The following MTHFD2L variants were observed in gnomAD, a reference collection of about 807,000 sequenced individuals.
MTHFD2L encodes bifunctional methylenetetrahydrofolate dehydrogenase/cyclohydrolase 2, mitochondrial.
Under a neutral mutation model 34.9 loss-of-function variants are expected in MTHFD2L, and 29 were observed. The ratio of observed to expected loss-of-function variants is 0.83; its 90% confidence interval spans 0.62 to 1.13. MTHFD2L has a LOEUF of 1.13. MTHFD2L is among the 50% of genes most tolerant of loss of function. The pLI, the probability that MTHFD2L is intolerant of heterozygous loss-of-function variation, is 0.00. For synonymous variants in MTHFD2L, 167 were observed against 155.7 expected (o/e 1.07, Z -0.54); for missense variants, 481 against 446.5 (o/e 1.08, Z -0.70).
intron 6 of MTHFD2L, among the ~76,000 whole-genome samples, chr4:74,269,705 T>C (rs971464457): frequency 3.3e-5 from 5 of 152,204 alleles, no homozygotes; most frequent in African/African-American, 1.2e-4. Context: ...TCTGATTTTC[T>C]ATCTTCTGAA....
At chr4:74,180,318 C>T (rs1184507390) in intron 3 of MTHFD2L, among the ~76,000 whole-genome samples, 1 of 151,948 alleles carries the variant, frequency 6.6e-6, no homozygotes, top group Non-Finnish European at 1.5e-5. Flanking sequence ...ATGTATATCT[C>T]ATAAGACTGT....
At chr4:74,157,682 G>A (rs1375022935), upstream of MTHFD2L, 1 of 457,558 alleles carries the variant, frequency 2.2e-6, no homozygotes, top group South Asian at 1.5e-5. Flanking sequence ...CACAAAGGAA[G>A]TGGGAAACAA....
At chr4:74,166,986 A>G (rs533268052) in intron 1 of MTHFD2L, among the ~76,000 whole-genome samples, 12 of 152,112 alleles carry the variant, frequency 7.9e-5, no homozygotes, top group African/African-American at 2.4e-4. Context: ...ACCCATTCCA[A>G]TGCCAGGCTG....
At chr4:74,229,733 T>C (rs1283281281) in intron 6 of MTHFD2L, among the ~76,000 whole-genome samples, 2 of 152,138 alleles carry the variant, frequency 1.3e-5, no homozygotes, top group African/African-American at 4.8e-5. Flanking sequence ...AAAATTGAGA[T>C]TTAGACTCAG....
chr4:74,213,172 A>G (rs1736639348), intron 5 of MTHFD2L, among the ~76,000 whole-genome samples: 1 of 152,040 alleles, frequency 6.6e-6, no homozygotes. Flanking sequence ...TGTGCCTTTT[A>G]ATTGGGGCAT....
chr4:74,134,913 G>A (rs766215473), intron 1 of MTHFD2L, among the ~76,000 whole-genome samples: 2 of 151,730 alleles, frequency 1.3e-5, no homozygotes, highest in Non-Finnish European at 2.9e-5. Flanking sequence ...AAAATAAACA[G>A]AGGAGAGAAA....
chr4:74,266,613 A>G lies in MTHFD2L; in HGVS notation c.806-14812A>G, dbSNP rs570655945. Among the ~76,000 whole-genome samples, 312 of 152,276 alleles carry G rather than the reference A, an allele frequency of 2.0e-3. 2 individuals carry two copies. Among genetic ancestry groups the G allele is most frequent in the South Asian group, 7.3e-3 (35 of 4,820 alleles). ...ATCTCCCTGGGAACCTCTGAAGTCT[A>G]AGCTCTCACCACTTCTCCAACTCTC... On this transcript the variant is annotated intron_variant, in intron 6 of 7. Coordinates refer to ENST00000325278, the MANE Select transcript of MTHFD2L (RefSeq NM_001144978.3).
rs1251023500 is a variant in MTHFD2L at position 74,158,178 on chromosome 4, C to T, written c.40C>T (p.Arg14Cys). The T allele has an allele frequency of 4.6e-6, 7 of 1,526,888 alleles. No homozygotes were observed. Among genetic ancestry groups the T allele is most frequent in the South Asian group, 1.2e-5 (1 of 80,944 alleles). The allele number at this position is 1,526,888 out of a possible 1,614,324, so 94.6% of individuals were successfully genotyped here. A position where few individuals can be genotyped will look rare whatever the true frequency, so the allele number is the denominator to read the frequency against. Residue 14 changes from arginine to cysteine, a missense_variant, in exon 1 of 8, where the codon CGC becomes TGC. Coordinates refer to ENST00000325278, the MANE Select transcript of MTHFD2L (RefSeq NM_001144978.3). ...PVRGFSLLRG[R>C]LGRAPALGRS... The stretch of plus-strand genomic sequence containing the variant: ...CCGCGGCTTCTCGCTGCTCCGCGGC[C>T]GCCTTGGCCGAGCGCCGGCGTTGGG...
At chr4:74,267,315 TTCTC>T in intron 6 of MTHFD2L, 1 of 789,598 alleles carries the variant, frequency 1.3e-6, no homozygotes, top group Non-Finnish European at 1.5e-6. Flanking sequence ...TTTTCTTTCT[TTCTC>T]TTTCTCTCTT....
chr4:74,200,071 G>T (rs1734163110), intron 4 of MTHFD2L, 125 bp downstream of exon 4: 1 of 784,258 alleles, frequency 1.3e-6, no homozygotes, highest in Non-Finnish European at 2.0e-6. Flanking sequence ...TAAAACGTCA[G>T]TGTACAGAGA....
At chr4:74,224,585 C>T (rs895051757) in intron 5 of MTHFD2L, among the ~76,000 whole-genome samples, 6 of 152,154 alleles carry the variant, frequency 3.9e-5, no homozygotes, top group Non-Finnish European at 8.8e-5. Context: ...TTCCCTCACT[C>T]TCCTTTCATG....
chr4:74,279,872 C>G (rs1747205048), intron 6 of MTHFD2L, among the ~76,000 whole-genome samples: 1 of 152,062 alleles, frequency 6.6e-6, no homozygotes, highest in African/African-American at 2.4e-5. Context: ...TCTGTTACAT[C>G]ATTATGAGAC....
intron 6 of MTHFD2L, among the ~76,000 whole-genome samples, chr4:74,240,431 G>C (rs1248600556): frequency 6.6e-6 from 1 of 152,090 alleles, no homozygotes; most frequent in African/African-American, 2.4e-5. Context: ...ATCGCAAAAA[G>C]TGGAAACACT....
chr4:74,207,948 C>T (rs1395579092), intron 5 of MTHFD2L, among the ~76,000 whole-genome samples: 1 of 151,946 alleles, frequency 6.6e-6, no homozygotes. Context: ...ATAGGAACGC[C>T]TAGGAATGCA....
At chr4:74,238,147 GTCA>G (rs1463700150) in intron 6 of MTHFD2L, among the ~76,000 whole-genome samples, 1 of 152,150 alleles carries the variant, frequency 6.6e-6, no homozygotes, top group Non-Finnish European at 1.5e-5. Context: ...AATGTTACAT[GTCA>G]GTGCTTATGT....
chr4:74,163,655 T>G (rs1725947474), intron 1 of MTHFD2L, among the ~76,000 whole-genome samples: 1 of 152,236 alleles, frequency 6.6e-6, no homozygotes, highest in Non-Finnish European at 1.5e-5. Context: ...AGGTATTCAT[T>G]TATTTTAATA....
intron 1 of MTHFD2L, among the ~76,000 whole-genome samples, chr4:74,131,254 CA>C (rs1722473678): frequency 2.6e-5 from 4 of 152,052 alleles, no homozygotes; most frequent in Admixed American, 2.6e-4. Flanking sequence ...CATGTGGAAA[CA>C]AAAAAGAGCC....
At chr4:74,127,543 C>T (rs1207209785) in intron 1 of MTHFD2L, among the ~76,000 whole-genome samples, 1 of 152,070 alleles carries the variant, frequency 6.6e-6, no homozygotes, top group Non-Finnish European at 1.5e-5. Flanking sequence ...ACATAATGAC[C>T]TCCAGTTCCA....
At chr4:74,119,627 C>CA (rs1284054985), upstream of MTHFD2L, among the ~76,000 whole-genome samples, 1 of 151,848 alleles carries the variant, frequency 6.6e-6, no homozygotes, top group Non-Finnish European at 1.5e-5. Flanking sequence ...ACTAAAAATA[C>CA]AAAAAATTAG....
Sources: gnomAD v4.1 joint callset for allele counts (sites outside exome capture counted in the v4.1 genomes callset) on GRCh38, gnomAD v4.1.1 for gene constraint, MANE v1.5 for transcripts, NCBI Gene and HGNC (gene_info 2026-07-23, HGNC 2026-07-21) for gene names.